The following GPR137B variants were observed in gnomAD, a reference collection of about 807,000 sequenced individuals.
GPR137B encodes G protein-coupled receptor 137B.
A neutral mutation model predicts 42.5 loss-of-function variants in GPR137B; 42 were observed. The ratio of observed to expected loss-of-function variants is 0.99; its 90% CI spans 0.77 to 1.28. The LOEUF (loss-of-function observed/expected upper bound fraction) is 1.28, where lower values mean the gene tolerates loss of function less well. GPR137B is among the 50% of genes most tolerant of loss of function. GPR137B has a pLI of 0.00. For missense variants in GPR137B, 487 were observed against 493.9 expected, an observed-to-expected ratio of 0.99 and a Z score of 0.13; for synonymous variants, 218 against 209.7, an observed-to-expected ratio of 1.04 and a Z score of -0.34.
At chr1:236,146,121 G>A (rs1393215626) in intron 1 of GPR137B, among the ~76,000 whole-genome samples, 3 of 152,120 alleles carry the variant, frequency 2.0e-5, no homozygotes, top group Non-Finnish European at 4.4e-5. Context: ...GCCTCCCAAA[G>A]TGCCGTGATT....
intron 1 of GPR137B, among the ~76,000 whole-genome samples, chr1:236,159,027 A>T (rs1212275491): frequency 6.6e-6 from 1 of 152,176 alleles, no homozygotes; most frequent in Non-Finnish European, 1.5e-5. Flanking sequence ...TGCCAGAAAC[A>T]CCACTAAGAC....
rs3736902 is a variant in GPR137B, at chr1:236,178,555, C to T, written c.606C>T (p.Phe202=). 326 of 1,613,130 alleles carry T rather than the reference C, an allele frequency of 2.0e-4. 2 individuals carry two copies. In the East Asian group the frequency reaches 6.5e-3, roughly 32 times the overall value. ...SVRVAINDTL[F]VLCAVSLSIC... Reference sequence around the variant, plus strand: ...GAGTGGCCATTAATGACACGCTCTTCGTGCTGTGTGCCGTCTCTCTCTCCA... The same window carrying T: ...GAGTGGCCATTAATGACACGCTCTTTGTGCTGTGTGCCGTCTCTCTCTCCA... Residue 202 remains phenylalanine, a synonymous_variant, in exon 3 of 7, where the codon TTC becomes TTT. Transcript: ENST00000366592.
chr1:236,184,193 G>A (rs1558490676), intron 5 of GPR137B, among the ~76,000 whole-genome samples: 3 of 152,278 alleles, frequency 2.0e-5, no homozygotes, highest in African/African-American at 7.2e-5. Context: ...TGCCTCATTA[G>A]TATTTGAGAC....
intron 2 of GPR137B, among the ~76,000 whole-genome samples, chr1:236,169,438 C>G (rs1305597901): frequency 1.3e-5 from 2 of 152,210 alleles, no homozygotes; most frequent in East Asian, 3.8e-4. Context: ...CCATTCAGTG[C>G]TCATTTAGGC....
At position 236,155,861 on chromosome 1, in the gene GPR137B, G is replaced by A. The variant is rs1295039372; in HGVS notation, c.414+12825G>A. 6.6e-6 allele frequency among the ~76,000 whole-genome samples: 1 copy of A among 152,188 alleles called. No individual in the cohort carries two copies. Among genetic ancestry groups the A allele is most frequent in the Non-Finnish European group, 1.5e-5 (1 of 68,022 alleles). ...TATCCCATTATCACTTATGAAATGA[G>A]GAATGCCTTGTGAGGACCAAGGTAG... On this transcript the variant is annotated intron_variant, in intron 1 of 6. Coordinates refer to ENST00000366592, the MANE Select transcript of GPR137B (RefSeq NM_003272.4). This position sits in a 1 kb window ranked among gnomAD's most constrained non-coding sequence, Gnocchi z 4.6.
chr1:236,186,480 C>T (rs1663042851), intron 5 of GPR137B, among the ~76,000 whole-genome samples: 1 of 147,452 alleles, frequency 6.8e-6, no homozygotes. Context: ...AATGCTCTCC[C>T]TCCCCTACCT....
chr1:236,176,122 G>T (rs1662677116), intron 2 of GPR137B, among the ~76,000 whole-genome samples: 1 of 152,168 alleles, frequency 6.6e-6, no homozygotes, highest in South Asian at 2.1e-4. Flanking sequence ...CCCACAGTCT[G>T]GTGGGGAAGA....
At chr1:236,207,063 T>A in intron 6 of GPR137B, 3 of 728,336 alleles carry the variant, frequency 4.1e-6, no homozygotes, top group Non-Finnish European at 5.0e-6. Context: ...GCCTTTTTAC[T>A]CCTTGTTAGT....
rs916150938 is a variant in GPR137B, at chr1:236,208,619, C to T, written c.*461C>T. ...CTCTTTAGGTCACTGATGGTCACTC[C>T]GATTCTGAGTGCCACATTGGTAGAC... On this transcript the variant is annotated 3_prime_UTR_variant, in exon 7 of 7. Coordinates refer to ENST00000366592, the MANE Select transcript of GPR137B (RefSeq NM_003272.4). 8.1e-6 allele frequency: 8 copies of T among 984,306 alleles called. No homozygotes were observed. The highest frequency in any genetic ancestry group is 1.1e-4 in the East Asian group (1 of 8,832). 61.0% of individuals were successfully genotyped at this position (984,306 alleles called of 1,614,324 possible).
At position 236,208,037 on chromosome 1, in the gene GPR137B, TTTTC is replaced by T; in HGVS notation, c.1092-9_1092-6del. ...AATGTTTCAAGTCACTGAAATATTT[TTTTC>T]TTTTTAAGTTTTGCTCCAGATTACT... is the stretch of plus-strand genomic sequence containing the variant. On this transcript the variant is annotated splice_polypyrimidine_tract_variant and intron_variant, in intron 6 of 6. Transcript: ENST00000366592. 6.3e-7 allele frequency: 1 copy of T among 1,592,472 alleles called. No homozygotes were observed. The highest frequency in any genetic ancestry group is 2.2e-5 in the East Asian group (1 of 44,720).
chr1:236,189,171 T>G (rs2102918142), intron 5 of GPR137B, among the ~76,000 whole-genome samples: 1 of 152,312 alleles, frequency 6.6e-6, no homozygotes, highest in East Asian at 1.9e-4. Context: ...TGATATCCCC[T>G]TTATCATTTT....
chr1:236,184,769 G>GT (rs1662974308), intron 5 of GPR137B, among the ~76,000 whole-genome samples: 3 of 148,212 alleles, frequency 2.0e-5, no homozygotes, highest in African/African-American at 7.9e-5. Context: ...TTTGCTTTTT[G>GT]GTTTTTTTTT....
chr1:236,157,634 C>T (rs1662071808), intron 1 of GPR137B, among the ~76,000 whole-genome samples: 1 of 152,148 alleles, frequency 6.6e-6, no homozygotes, highest in South Asian at 2.1e-4. Flanking sequence ...GGACTGGTTC[C>T]AGGACCCCCA....
chr1:236,170,948 C>T (rs1662516099), intron 2 of GPR137B, among the ~76,000 whole-genome samples: 1 of 149,700 alleles, frequency 6.7e-6, no homozygotes. Context: ...TGCACTCCAG[C>T]CTGGGCAACA....
intron 2 of GPR137B, among the ~76,000 whole-genome samples, chr1:236,174,469 C>T (rs1662628759): frequency 6.6e-6 from 1 of 151,966 alleles, no homozygotes; most frequent in Admixed American, 6.6e-5. Flanking sequence ...GGCTTTAGGG[C>T]AAAGATGAAT....
intron 1 of GPR137B, among the ~76,000 whole-genome samples, chr1:236,158,339 C>T (rs914783492): frequency 1.3e-5 from 2 of 152,162 alleles, no homozygotes; most frequent in African/African-American, 2.4e-5. Flanking sequence ...GCACGAGAAT[C>T]GCTTGAACCC....
intron 1 of GPR137B, among the ~76,000 whole-genome samples, chr1:236,147,229 C>A (rs1661705605): frequency 6.6e-6 from 1 of 152,320 alleles, no homozygotes; most frequent in African/African-American, 2.4e-5. Flanking sequence ...CAGCCTCTCC[C>A]CTTCCATCTT....
At chr1:236,160,859 C>T (rs1378857034) in intron 1 of GPR137B, among the ~76,000 whole-genome samples, 2 of 152,098 alleles carry the variant, frequency 1.3e-5, no homozygotes, top group African/African-American at 4.8e-5. Context: ...AGGCCTTGAC[C>T]ACTGAGGGGA....
intron 1 of GPR137B, among the ~76,000 whole-genome samples, chr1:236,166,580 T>TATGA (rs1277214621): frequency 2.7e-5 from 4 of 146,514 alleles, no homozygotes; most frequent in Non-Finnish European, 5.9e-5. Context: ...AAAAAGGATT[T>TATGA]ATGACAGAGA....
Sources: allele counts gnomAD v4.1 joint callset (sites outside exome capture counted in the v4.1 genomes callset), GRCh38; gene constraint gnomAD v4.1.1; non-coding constraint Gnocchi (gnomAD v3.1); transcripts MANE v1.5; gene names NCBI Gene and HGNC (gene_info 2026-07-23, HGNC 2026-07-21).